Variants in KLF8 observed in about 807,000 individuals in gnomAD.
KLF8 encodes the protein KLF transcription factor 8.
A neutral mutation model predicts 18.2 loss-of-function variants in KLF8; 10 were observed. The ratio of observed to expected loss-of-function variants is 0.55; its 90% CI spans 0.34 to 0.93. The LOEUF is 0.93. Among genes scored for constraint, KLF8 ranks in the 40% least tolerant of loss-of-function variants. The probability of loss-of-function intolerance (pLI) is 0.02; values close to 1 mark genes in which losing one functional copy is unlikely to be tolerated. For synonymous variants in KLF8, 109 were observed against 97.3 expected (o/e 1.12, Z -0.71); for missense variants, 264 against 277.9 (o/e 0.95, Z 0.36).
At chrX:56,058,717 T>C in the KLF8 span, among the ~76,000 whole-genome samples, 411 of 111,153 alleles carry the variant, frequency 3.7e-3, 2 homozygotes, top group African/African-American at 0.012. Flanking sequence ...CTCTATGGTG[T>C]ATATGTGCCA....
At chrX:56,222,699 GGGGGCA>G in the KLF8 span, among the ~76,000 whole-genome samples, 1 of 113,001 alleles carries the variant, frequency 8.8e-6, no homozygotes, top group Non-Finnish European at 1.9e-5. Flanking sequence ...AGCCCACCGT[GGGGGCA>G]GGGCATGGCG....
the KLF8 span, among the ~76,000 whole-genome samples, chrX:56,100,409 T>A: frequency 8.9e-6 from 1 of 111,814 alleles, no homozygotes; most frequent in Non-Finnish European, 1.9e-5. Flanking sequence ...ACAACATCCA[T>A]TCTGTAGCCC....
the KLF8 span, among the ~76,000 whole-genome samples, chrX:56,026,496 C>A: frequency 9.0e-6 from 1 of 111,548 alleles, no homozygotes; most frequent in Non-Finnish European, 1.9e-5. Flanking sequence ...GGGGGTGCAC[C>A]TAATTTTAAA....
chrX:55,990,785 G>A, the KLF8 span, among the ~76,000 whole-genome samples: 1 of 112,063 alleles, frequency 8.9e-6, no homozygotes, highest in Non-Finnish European at 1.9e-5. Flanking sequence ...TCTTTGCCTG[G>A]GTATCAGCAG....
intron 3 of KLF8, 144 bp downstream of exon 3, chrX:56,265,888 T>A: frequency 9.4e-7 from 1 of 1,063,174 alleles, no homozygotes; most frequent in Admixed American, 3.9e-5. Flanking sequence ...GTTTTTTATG[T>A]CTTTTTAATG....
intron 5 of KLF8, among the ~76,000 whole-genome samples, chrX:56,281,079 C>T (rs1305816540): frequency 1.8e-5 from 2 of 112,006 alleles, no homozygotes; most frequent in Non-Finnish European, 3.8e-5. Flanking sequence ...CAATGCATCC[C>T]CATTATTGCT....
At chrX:55,999,204 G>T in the KLF8 span, among the ~76,000 whole-genome samples, 3 of 102,828 alleles carry the variant, frequency 2.9e-5, no homozygotes, top group Non-Finnish European at 5.9e-5. Flanking sequence ...GTCTACGGGG[G>T]TATTTTATTT....
At chrX:55,981,758 C>A in the KLF8 span, among the ~76,000 whole-genome samples, 8 of 111,523 alleles carry the variant, frequency 7.2e-5, no homozygotes, top group Non-Finnish European at 1.5e-4. Context: ...GGCTATGGAG[C>A]ACTGTGGAAA....
At position 56,285,271 on chromosome X, in the gene KLF8, A is replaced by T. The variant is rs1828307996; in HGVS notation, c.*777A>T. 1 of 111,902 alleles carries T rather than the reference A, an allele frequency of 8.9e-6. No individual in the cohort carries two copies. Among genetic ancestry groups the T allele is most frequent in the Non-Finnish European group, 1.9e-5 (1 of 53,245 alleles). 9.2% of individuals were successfully genotyped at this position (111,902 alleles called of 1,213,427 possible). On this transcript the variant is annotated 3_prime_UTR_variant, in exon 6 of 6. Coordinates refer to ENST00000468660, the MANE Select transcript of KLF8 (RefSeq NM_007250.5). The stretch of plus-strand genomic sequence containing the variant: ...AAATTTGGACAAATATTCAAAGCAC[A>T]CATAGACATATAAGTAAGGAGAAAA...
chrX:56,243,405 G>A (rs1423215517), intron 1 of KLF8: 6 of 255,156 alleles, frequency 2.4e-5, no homozygotes, highest in Admixed American at 4.3e-5. Flanking sequence ...CCCTTTCCGC[G>A]CCATCTTATC....
chrX:56,051,432 C>T, the KLF8 span, among the ~76,000 whole-genome samples: 1 of 110,703 alleles, frequency 9.0e-6, no homozygotes, highest in Non-Finnish European at 1.9e-5. Flanking sequence ...ATGTTTAGTG[C>T]TTCCTTCAGG....
At chrX:55,930,323 C>T in the KLF8 span, among the ~76,000 whole-genome samples, 1 of 111,884 alleles carries the variant, frequency 8.9e-6, no homozygotes, top group African/African-American at 3.3e-5. Context: ...GTCATGCTAT[C>T]TGCAAACCCA....
At chrX:55,976,837 G>T in the KLF8 span, among the ~76,000 whole-genome samples, 1 of 110,886 alleles carries the variant, frequency 9.0e-6, no homozygotes, top group Non-Finnish European at 1.9e-5. Context: ...TTGGTGTACA[G>T]GTCTTTCACC....
chrX:56,269,497 C>G lies in KLF8; in HGVS notation c.758+8C>G, dbSNP rs1339634778. ...GCAGGGACTACAGCAAGAGTGAGTA[C>G]TTTTTGTCTTCAAGTCTGTCTTTGT... On this transcript the variant is annotated splice_region_variant and intron_variant, in intron 4 of 5. Coordinates refer to ENST00000468660, the MANE Select transcript of KLF8 (RefSeq NM_007250.5). The G allele has an allele frequency of 1.7e-6, 2 of 1,173,944 alleles. No individual in the cohort carries two copies.
the KLF8 span, among the ~76,000 whole-genome samples, chrX:55,947,145 C>G: frequency 3.6e-5 from 4 of 110,853 alleles, no homozygotes; most frequent in Admixed American, 9.6e-5. Context: ...GAGTATATAC[C>G]CAAAGGACTA....
the KLF8 span, among the ~76,000 whole-genome samples, chrX:56,169,271 G>A: frequency 9.0e-6 from 1 of 111,497 alleles, no homozygotes; most frequent in African/African-American, 3.3e-5. Flanking sequence ...ATTCCCAACC[G>A]CGGTGGCTAC....
At chrX:55,963,026 ATGT>A in the KLF8 span, among the ~76,000 whole-genome samples, 2 of 111,956 alleles carry the variant, frequency 1.8e-5, no homozygotes, top group Non-Finnish European at 3.8e-5. Context: ...AAAATAAAAG[ATGT>A]TGTTTTCTGT....
At chrX:56,144,076 G>A in the KLF8 span, among the ~76,000 whole-genome samples, 7 of 112,182 alleles carry the variant, frequency 6.2e-5, no homozygotes, top group Non-Finnish European at 9.4e-5. Context: ...TATTCAATCA[G>A]TAGTGAACAG....
chrX:56,010,760 G>A, the KLF8 span, among the ~76,000 whole-genome samples: 1 of 112,046 alleles, frequency 8.9e-6, no homozygotes, highest in South Asian at 3.7e-4. Flanking sequence ...TAAAGGGATG[G>A]AGGAAAATTT....
Sources: gnomAD v4.1 joint callset for allele counts (sites outside exome capture counted in the v4.1 genomes callset) on GRCh38, gnomAD v4.1.1 for gene constraint, MANE v1.5 for transcripts, NCBI Gene and HGNC (gene_info 2026-07-23, HGNC 2026-07-21) for gene names.